The following IFTAP variants were observed in gnomAD, a reference collection of about 807,000 sequenced individuals.
The protein encoded by IFTAP is intraflagellar transport associated protein, also known as intraflagellar transport-associated protein.
A neutral mutation model predicts 19.4 loss-of-function variants in IFTAP; 19 were observed. That is an observed-to-expected ratio of 0.98 (90% CI 0.68 to 1.44). IFTAP has a LOEUF of 1.44. Ranked by LOEUF, IFTAP falls within the 40% of genes most tolerant of loss-of-function variation. The probability of loss-of-function intolerance (pLI) is 0.00; values close to 1 mark genes in which losing one functional copy is unlikely to be tolerated. For synonymous variants in IFTAP, 85 were observed against 83.5 expected (o/e 1.02, Z -0.10); for missense variants, 240 against 253.6 (o/e 0.95, Z 0.36).
intron 5 of IFTAP, 104 bp from the exon 6 acceptor site, chr11:36,658,915 C>T: frequency 1.2e-6 from 1 of 833,690 alleles, no homozygotes; most frequent in Non-Finnish European, 1.7e-6. Context: ...GTGCTGAAGT[C>T]TGAAAAAAGG....
intron 1 of IFTAP, chr11:36,594,901 C>T (rs1851145429): frequency 6.6e-6 from 1 of 152,306 alleles, no homozygotes; most frequent in Admixed American, 6.5e-5. Context: ...AACTACACCC[C>T]TGACGACCCT....
chr11:36,659,025 G>A lies in IFTAP; in HGVS notation c.505G>A (p.Gly169Arg). The change falls in exon 6 of 6, where the codon GGA becomes AGA. Residue 169 changes from glycine to arginine, a missense_variant. Transcript: ENST00000334307. ...CCTTTGTTACCTTTTATAGATACTTGGAGATGAAGTTCAACTTTTTTCACT... is the reference window on the plus strand; with the variant it reads ...CCTTTGTTACCTTTTATAGATACTTAGAGATGAAGTTCAACTTTTTTCACT... ...RMDKQTEEIL[G>R]DEVQLFSLDE... 2 of 1,589,394 alleles carry A rather than the reference G, an allele frequency of 1.3e-6. No individual in the cohort carries two copies. The highest frequency in any genetic ancestry group is 1.7e-6 in the Non-Finnish European group (2 of 1,167,086).
At position 36,601,607 on chromosome 11, in the gene IFTAP, A is replaced by G. The variant is rs541435574; in HGVS notation, c.-24+7015A>G. 1.8e-3 allele frequency among the ~76,000 whole-genome samples: 272 copies of G among 152,274 alleles called. 1 individual carries two copies. Among genetic ancestry groups the G allele is most frequent in the Non-Finnish European group, 3.3e-3 (224 of 68,008 alleles). On this transcript the variant is annotated intron_variant, in intron 1 of 5. Transcript: ENST00000334307. ...TACTGAAATACTTTATTTTTAGAGA[A>G]GGAAAGGAGTTAGGAGTTTGTGATT...
At chr11:36,656,147 T>G (rs1853975243) in intron 5 of IFTAP, among the ~76,000 whole-genome samples, 1 of 152,202 alleles carries the variant, frequency 6.6e-6, no homozygotes, top group Non-Finnish European at 1.5e-5. Flanking sequence ...GTGGGAGCCC[T>G]GATCAGAGTT....
chr11:36,644,801 G>C (rs1187175513), intron 4 of IFTAP, among the ~76,000 whole-genome samples: 1 of 144,996 alleles, frequency 6.9e-6, no homozygotes, highest in Admixed American at 7.2e-5. Context: ...ATTGAACAAT[G>C]AGAACACTTG....
At chr11:36,620,034 C>A (rs142332217) in intron 2 of IFTAP, among the ~76,000 whole-genome samples, 4 of 151,876 alleles carry the variant, frequency 2.6e-5, no homozygotes, top group African/African-American at 9.7e-5. Context: ...ATAAAAGTAA[C>A]TAGGCAATTA....
At chr11:36,613,606 GTGTT>G (rs1851951690) in intron 2 of IFTAP, among the ~76,000 whole-genome samples, 1 of 152,010 alleles carries the variant, frequency 6.6e-6, no homozygotes, top group Non-Finnish European at 1.5e-5. Flanking sequence ...CACCCAGCCT[GTGTT>G]TGGAGGGACG....
rs1851573633 is a variant in IFTAP, at chr11:36,603,287, A to G, written c.-23-6794A>G. 2.0e-5 allele frequency among the ~76,000 whole-genome samples: 3 copies of G among 152,190 alleles called. No individual in the cohort carries two copies. The South Asian group carries it at 6.2e-4, about 32-fold the overall frequency. ...AGGAAAGTTTCTGTTTATGCATGTA[A>G]TATTATAGATTAGTATTAGTCTCTC... On this transcript the variant is annotated intron_variant, in intron 1 of 5. Transcript: ENST00000334307.
At chr11:36,601,378 A>G (rs754625362) in intron 1 of IFTAP, among the ~76,000 whole-genome samples, 7 of 152,228 alleles carry the variant, frequency 4.6e-5, no homozygotes, top group Non-Finnish European at 7.3e-5. Context: ...AGTATGATGT[A>G]TTGTCAAGAG....
At chr11:36,599,411 G>A (rs977120515) in intron 1 of IFTAP, among the ~76,000 whole-genome samples, 2 of 152,168 alleles carry the variant, frequency 1.3e-5, no homozygotes, top group African/African-American at 4.8e-5. Context: ...AATGATCAGA[G>A]CTAGGCAAAT....
chr11:36,612,810 A>G (rs1590204769), intron 2 of IFTAP, among the ~76,000 whole-genome samples: 1 of 152,238 alleles, frequency 6.6e-6, no homozygotes, highest in African/African-American at 2.4e-5. Context: ...CAGTAATCCT[A>G]TTAAAAATAT....
chr11:36,636,234 A>C, intron 4 of IFTAP, 117 bp downstream of exon 4: 1 of 730,888 alleles, frequency 1.4e-6, no homozygotes, highest in Non-Finnish European at 2.3e-6. Flanking sequence ...TAAGACAGGA[A>C]GAACTAAAGT....
chr11:36,658,076 C>T (rs1204487438), intron 5 of IFTAP, among the ~76,000 whole-genome samples: 2 of 152,134 alleles, frequency 1.3e-5, no homozygotes, highest in East Asian at 1.9e-4. Context: ...TACATTTTTA[C>T]GAACATTGCA....
At chr11:36,617,182 T>A (rs1183199655) in intron 2 of IFTAP, among the ~76,000 whole-genome samples, 1 of 149,412 alleles carries the variant, frequency 6.7e-6, no homozygotes, top group Non-Finnish European at 1.5e-5. Context: ...TTACTTTTTA[T>A]TTGTATATTT....
intron 5 of IFTAP, among the ~76,000 whole-genome samples, chr11:36,655,285 G>A (rs1590240137): frequency 6.6e-6 from 1 of 152,076 alleles, no homozygotes; most frequent in Middle Eastern, 3.2e-3. Context: ...TTGTCAACTT[G>A]TAAACTAATG....
At chr11:36,647,079 A>G (rs559582117) in intron 4 of IFTAP, among the ~76,000 whole-genome samples, 3 of 152,108 alleles carry the variant, frequency 2.0e-5, no homozygotes, top group Admixed American at 2.0e-4. Flanking sequence ...TACCTGCTCA[A>G]TTATCTCCCT....
At chr11:36,653,543 C>G (rs1853835552) in intron 5 of IFTAP, among the ~76,000 whole-genome samples, 1 of 152,128 alleles carries the variant, frequency 6.6e-6, no homozygotes, top group Non-Finnish European at 1.5e-5. Flanking sequence ...TAGCTTTGAA[C>G]TCTAACACGA....
intron 1 of IFTAP, among the ~76,000 whole-genome samples, chr11:36,600,907 C>T (rs964748064): frequency 2.6e-5 from 4 of 152,064 alleles, no homozygotes; most frequent in South Asian, 2.1e-4. Context: ...AAGCCCCATC[C>T]CTTTATTTTT....
rs765193976 is a variant in IFTAP at position 36,610,093 on chromosome 11, C to T, written c.-11C>T. On this transcript the variant is annotated 5_prime_UTR_variant, in exon 2 of 6. Coordinates refer to ENST00000334307, the MANE Select transcript of IFTAP (RefSeq NM_138787.4). ...TTCTGTCTTGCAGATACTGTGGCCT[C>T]ATGAATAGGAATGTCTGCCCATATG... 11 of 1,612,234 alleles carry T rather than the reference C, an allele frequency of 6.8e-6. No homozygotes were observed. The East Asian group carries it at 1.8e-4, about 26-fold the overall frequency.
Sources: allele counts gnomAD v4.1 joint callset (sites outside exome capture counted in the v4.1 genomes callset), GRCh38; gene constraint gnomAD v4.1.1; transcripts MANE v1.5; gene names NCBI Gene and HGNC (gene_info 2026-07-23, HGNC 2026-07-21).